The following ZKSCAN2 variants were observed in gnomAD, a reference collection of about 807,000 sequenced individuals.
ZKSCAN2 encodes zinc finger with KRAB and SCAN domains 2, also known as zinc finger protein with KRAB and SCAN domains 2.
A neutral mutation model predicts 90.5 loss-of-function variants in ZKSCAN2; 38 were observed. The observed-to-expected ratio is 0.42, with a 90% CI of 0.32 to 0.55. The LOEUF is 0.55. Among genes scored for constraint, ZKSCAN2 ranks in the 20% least tolerant of loss-of-function variants. The pLI, the probability that ZKSCAN2 is intolerant of heterozygous loss-of-function variation, is 0.11. For synonymous variants in ZKSCAN2, 429 were observed against 421.6 expected, an observed-to-expected ratio of 1.02 and a Z score of -0.22; for missense variants, 1,167 against 1,202.6, an observed-to-expected ratio of 0.97 and a Z score of 0.44.
chr16:25,257,231 A>T lies in ZKSCAN2; in HGVS notation c.-104T>A. 8.2e-5 allele frequency: 119 copies of T among 1,452,364 alleles called. No individual in the cohort carries two copies. The highest frequency in any genetic ancestry group is 4.7e-4 in the East Asian group (19 of 40,362). The allele number at this position is 1,452,364 out of a possible 1,614,324, so 90.0% of individuals were successfully genotyped here. A position where few individuals can be genotyped will look rare whatever the true frequency, so the allele number is the denominator to read the frequency against. On this transcript the variant is annotated 5_prime_UTR_variant, in exon 1 of 7. Transcript: ENST00000328086. ...TTCCTGGGAGTGTGATAAGGTACGG[A>T]GGTAAAAACGGCCAGGTCGGCAGGA... is the stretch of plus-strand genomic sequence containing the variant.
intron 6 of ZKSCAN2, 60 bp from the exon 7 acceptor site, chr16:25,240,798 T>C (rs184638865): frequency 6.8e-7 from 1 of 1,468,502 alleles, no homozygotes; most frequent in African/African-American, 1.4e-5. Context: ...ATAAACAACC[T>C]GGCTTGCAAG....
chr16:25,257,005 A>G lies in ZKSCAN2; in HGVS notation c.123T>C (p.Ser41=). Residue 41 remains serine (S), a synonymous_variant, in exon 1 of 7, where the codon TCT becomes TCC. Coordinates refer to ENST00000328086, the MANE Select transcript of ZKSCAN2 (RefSeq NM_001012981.5). ...SEPILEGSDS[S]ETFRKCFRQF... is the part of the protein sequence containing the mutation. ...GCCTGAAGCATTTGCGGAAGGTCTCAGAGCTATCCGATCCTTCCAGAATGG... is the reference window on the plus strand; with the variant it reads ...GCCTGAAGCATTTGCGGAAGGTCTCGGAGCTATCCGATCCTTCCAGAATGG... The G allele has an allele frequency of 6.2e-7, 1 of 1,614,178 alleles. No individual in the cohort carries two copies. Among genetic ancestry groups the G allele is most frequent in the Middle Eastern group, 1.6e-4 (1 of 6,062 alleles).
Position 25,240,168 on chromosome 16 carries a change from C to T in ZKSCAN2, c.2552G>A (p.Arg851Lys). The T allele has an allele frequency of 6.2e-7, 1 of 1,614,096 alleles. No homozygotes were observed. The highest frequency in any genetic ancestry group is 1.1e-5 in the South Asian group (1 of 91,072). ...ATAGGGCTTCTCACCGGTGTGCGTT[C>T]TCTGATGTATAATAAGACTAGAGCT... is the stretch of plus-strand genomic sequence containing the variant. ...SQSSSLIIHQ[R>K]THTGEKPYQC... Residue 851 changes from arginine (R) to lysine (K), a missense_variant, in exon 7 of 7, where the codon AGA (arginine) becomes AAA (lysine). By Grantham distance (26) the Arg-to-Lys change is conservative (BLOSUM62 2). Transcript: ENST00000328086.
At chr16:25,250,154 C>T (rs757295390) in intron 4 of ZKSCAN2, among the ~76,000 whole-genome samples, 1 of 152,008 alleles carries the variant, frequency 6.6e-6, no homozygotes, top group Non-Finnish European at 1.5e-5. Context: ...ACTAAAAATA[C>T]AAAAATTAGC....
intron 6 of ZKSCAN2, among the ~76,000 whole-genome samples, chr16:25,242,452 C>T (rs374744585): frequency 4.6e-5 from 7 of 152,230 alleles, no homozygotes; most frequent in East Asian, 1.9e-4. Flanking sequence ...AACTGATTGC[C>T]GAGGGCTTAA....
At chr16:25,250,306 CA>C (rs199752641) in intron 4 of ZKSCAN2, among the ~76,000 whole-genome samples, 2,003 of 140,932 alleles carry the variant, frequency 0.014, 24 homozygotes, top group Non-Finnish European at 0.024. Context: ...AACTCTGTCT[CA>C]AAAAAAAAAA....
Position 25,239,749 on chromosome 16 carries a change from A to C in ZKSCAN2, c.*67T>G, listed in dbSNP as rs1567349510. 7.4e-7 allele frequency: 1 copy of C among 1,348,634 alleles called. No individual in the cohort carries two copies. The highest frequency in any genetic ancestry group is 2.3e-5 in the Admixed American group (1 of 44,012). The allele number at this position is 1,348,634 out of a possible 1,614,324, so 83.5% of individuals were successfully genotyped here. A position where few individuals can be genotyped will look rare whatever the true frequency, so the allele number is the denominator to read the frequency against. The stretch of plus-strand genomic sequence containing the variant: ...GAAATTACACTTCATAGCTAAGAAA[A>C]GATTGCTTCCAAGAATGAGATTAGG... On this transcript the variant is annotated 3_prime_UTR_variant, in exon 7 of 7. Transcript: ENST00000328086.
chr16:25,236,481 T>C lies in ZKSCAN2; in HGVS notation c.*3335A>G, dbSNP rs1237986344. 1.3e-5 allele frequency: 2 copies of C among 152,274 alleles called. No homozygotes were observed. Among genetic ancestry groups the C allele is most frequent in the Admixed American group, 6.5e-5 (1 of 15,294 alleles). 9.4% of individuals were successfully genotyped at this position (152,274 alleles called of 1,614,324 possible). The stretch of plus-strand genomic sequence containing the variant: ...GGTCTTCTAACCTCTTCCGCATCTA[T>C]ATCACGCTCCACAGCCTCATGAAAC... On this transcript the variant is annotated 3_prime_UTR_variant, in exon 7 of 7. Coordinates refer to ENST00000328086, the MANE Select transcript of ZKSCAN2 (RefSeq NM_001012981.5).
intron 5 of ZKSCAN2, among the ~76,000 whole-genome samples, chr16:25,245,455 T>G (rs551694214): frequency 1.3e-5 from 2 of 152,140 alleles, no homozygotes; most frequent in South Asian, 4.1e-4. Flanking sequence ...TAGCCTGATT[T>G]AGTTTTCCAT....
At position 25,256,781 on chromosome 16, in the gene ZKSCAN2, G is replaced by T; in HGVS notation, c.347C>A (p.Ala116Glu). The change falls in exon 1 of 7, where the codon GCG (alanine) becomes GAG (glutamate). Residue 116 changes from alanine (A) to glutamate (E), a missense_variant. Transcript: ENST00000328086. Reference sequence around the variant, plus strand: ...CTCCAAATGCACTACCAGGGCCACCGCTTCCTCTCCACTTTGCGGACACTG... The same window carrying T: ...CTCCAAATGCACTACCAGGGCCACCTCTTCCTCTCCACTTTGCGGACACTG... ...QKQCPQSGEE[A>E]VALVVHLEKE... 1 of 1,613,992 alleles carries T rather than the reference G, an allele frequency of 6.2e-7. No individual in the cohort carries two copies. Among genetic ancestry groups the T allele is most frequent in the Non-Finnish European group, 8.5e-7 (1 of 1,179,994 alleles).
Position 25,256,994 on chromosome 16 carries a change from C to T in ZKSCAN2, c.134G>A (p.Arg45His). The change falls in exon 1 of 7, where the codon CGC becomes CAC. Residue 45 changes from arginine (R) to histidine (H), a missense_variant. By Grantham distance (29) the Arg-to-His change is conservative. Coordinates refer to ENST00000328086, the MANE Select transcript of ZKSCAN2 (RefSeq NM_001012981.5). ...LEGSDSSETFRKCFRQFCYED... is the reference protein window; with the variant it reads ...LEGSDSSETFHKCFRQFCYED... ...ATAACAGAATTGCCTGAAGCATTTGCGGAAGGTCTCAGAGCTATCCGATCC... is the reference window on the plus strand; with the variant it reads ...ATAACAGAATTGCCTGAAGCATTTGTGGAAGGTCTCAGAGCTATCCGATCC... 6.2e-7 allele frequency: 1 copy of T among 1,614,188 alleles called. No homozygotes were observed. Among genetic ancestry groups the T allele is most frequent in the Non-Finnish European group, 8.5e-7 (1 of 1,180,020 alleles).
chr16:25,250,125 A>G lies in ZKSCAN2; in HGVS notation c.805+1784T>C, dbSNP rs764264279. ...GGAGTTCGAGACCAACCTGGCCAAT[A>G]TGGTGAAACCCCGTCTCTACTAAAA... On this transcript the variant is annotated intron_variant, in intron 4 of 6. Coordinates refer to ENST00000328086, the MANE Select transcript of ZKSCAN2 (RefSeq NM_001012981.5). Among the ~76,000 whole-genome samples, 20 of 152,178 alleles carry G rather than the reference A, an allele frequency of 1.3e-4. 1 individual carries two copies. Among genetic ancestry groups the G allele is most frequent in the Non-Finnish European group, 2.2e-4 (15 of 68,030 alleles).
chr16:25,257,494 G>C lies in ZKSCAN2; in HGVS notation c.-367C>G, dbSNP rs946313550. The C allele has an allele frequency of 1.0e-6, 1 of 1,003,674 alleles. No individual in the cohort carries two copies. Among genetic ancestry groups the C allele is most frequent in the African/African-American group, 1.7e-5 (1 of 57,978 alleles). The allele number at this position is 1,003,674 out of a possible 1,614,324, so 62.2% of individuals were successfully genotyped here. On this transcript the variant is annotated 5_prime_UTR_variant, in exon 1 of 7. Transcript: ENST00000328086. The stretch of plus-strand genomic sequence containing the variant: ...AGGCGGACAGCCGGGCCGGGAGGGG[G>C]TGTGTCCGCTACTCCCGGGTCGGGC...
In ZKSCAN2 at chr16:25,248,069, CCT is replaced by C. The variant is rs200113332; in HGVS notation, c.806-681_806-680del. 6.1e-3 allele frequency among the ~76,000 whole-genome samples: 932 copies of C among 152,130 alleles called. 6 individuals carry two copies. Among genetic ancestry groups the C allele is most frequent in the African/African-American group, 0.021 (878 of 41,480 alleles). The stretch of plus-strand genomic sequence containing the variant: ...AGATACAAAAGAGTGAAACTGGACC[CCT>C]GTCTTACACGACTCACAAAAATGAA... On this transcript the variant is annotated intron_variant, in intron 4 of 6. Coordinates refer to ENST00000328086, the MANE Select transcript of ZKSCAN2 (RefSeq NM_001012981.5).
rs1260179185 is a variant in ZKSCAN2, at chr16:25,237,819, AT to A, written c.*1996del. On this transcript the variant is annotated 3_prime_UTR_variant, in exon 7 of 7. Transcript: ENST00000328086. ...CCTGTGTACATATTATTAAGTGGTG[AT>A]TTCTATTAATTTACATCTTCTCTAG... The A allele has an allele frequency of 6.6e-6, 1 of 152,186 alleles. No homozygotes were observed. The highest frequency in any genetic ancestry group is 2.4e-5 in the African/African-American group (1 of 41,442). The allele number at this position is 152,186 out of a possible 1,614,324, so 9.4% of individuals were successfully genotyped here.
At position 25,257,233 on chromosome 16, in the gene ZKSCAN2, G is replaced by A. The variant is rs1241427464; in HGVS notation, c.-106C>T. 4 of 1,391,748 alleles carry A rather than the reference G, an allele frequency of 2.9e-6. No homozygotes were observed. Among genetic ancestry groups the A allele is most frequent in the Admixed American group, 5.0e-5 (2 of 40,186 alleles). The allele number at this position is 1,391,748 out of a possible 1,614,324, so 86.2% of individuals were successfully genotyped here. A position where few individuals can be genotyped will look rare whatever the true frequency, so the allele number is the denominator to read the frequency against. Reference sequence around the variant, plus strand: ...CCTGGGAGTGTGATAAGGTACGGAGGTAAAAACGGCCAGGTCGGCAGGAAC... The same window carrying A: ...CCTGGGAGTGTGATAAGGTACGGAGATAAAAACGGCCAGGTCGGCAGGAAC... On this transcript the variant is annotated 5_prime_UTR_variant, in exon 1 of 7. Transcript: ENST00000328086.
intron 5 of ZKSCAN2, 85 bp from the exon 6 acceptor site, chr16:25,244,361 T>TA (rs201809244): frequency 2.3e-4 from 325 of 1,437,194 alleles, no homozygotes; most frequent in Middle Eastern, 5.1e-4. Flanking sequence ...AATGTAGAGG[T>TA]AAAAAAAAAT....
At position 25,256,813 on chromosome 16, in the gene ZKSCAN2, T is replaced by C; in HGVS notation, c.315A>G (p.Ala105=). Residue 105 remains alanine, a synonymous_variant, in exon 1 of 7, where the codon GCA becomes GCG. Transcript: ENST00000328086. Reference sequence around the variant, plus strand: ...CTCCACTTTGCGGACACTGCTTCTGTGCCCAAGCCTGAATCTTCTCGGGTA... The same window carrying C: ...CTCCACTTTGCGGACACTGCTTCTGCGCCCAAGCCTGAATCTTCTCGGGTA... The part of the protein sequence containing the change: ...TILPEKIQAW[A]QKQCPQSGEE... 2 of 1,614,208 alleles carry C rather than the reference T, an allele frequency of 1.2e-6. No homozygotes were observed. The highest frequency in any genetic ancestry group is 1.7e-6 in the Non-Finnish European group (2 of 1,180,042).
intron 2 of ZKSCAN2, 88 bp from the exon 3 acceptor site, chr16:25,253,125 G>C: frequency 1.0e-6 from 1 of 965,468 alleles, no homozygotes. Flanking sequence ...AGTATGTATT[G>C]AAACACCAAC....
Sources: allele counts gnomAD v4.1 joint callset (sites outside exome capture counted in the v4.1 genomes callset), GRCh38; gene constraint gnomAD v4.1.1; transcripts MANE v1.5; gene names NCBI Gene and HGNC (gene_info 2026-07-23, HGNC 2026-07-21).